Variants in PIGN observed in about 807,000 individuals in gnomAD.
The protein encoded by PIGN is GPI ethanolamine phosphate transferase 1.
A neutral mutation model predicts 125.4 loss-of-function variants in PIGN; 117 were observed. That is an observed-to-expected ratio of 0.93 (90% CI 0.80 to 1.09). PIGN has a LOEUF of 1.09. Among genes scored for constraint, PIGN ranks in the 50% least tolerant of loss-of-function variants. The pLI is 0.00. For synonymous variants in PIGN, 392 were observed against 377.8 expected (o/e 1.04, Z -0.44); for missense variants, 1,075 against 1,094.9 (o/e 0.98, Z 0.26).
At chr18:62,085,708 C>A (rs1432683210) in intron 25 of PIGN, among the ~76,000 whole-genome samples, 1 of 152,142 alleles carries the variant, frequency 6.6e-6, no homozygotes, top group Non-Finnish European at 1.5e-5. Flanking sequence ...CAGGAAGAAA[C>A]AAGATACCAT....
At chr18:62,020,264 A>G (rs1419862017) in intron 23 of PIGN, among the ~76,000 whole-genome samples, 1 of 152,242 alleles carries the variant, frequency 6.6e-6, no homozygotes, top group African/African-American at 2.4e-5. Context: ...AACACTGGGA[A>G]CTACCAAGAT....
intron 4 of PIGN, among the ~76,000 whole-genome samples, chr18:62,158,920 CT>C (rs1392414185): frequency 1.3e-5 from 2 of 152,214 alleles, no homozygotes; most frequent in African/African-American, 4.8e-5. Context: ...AGTTTAGATA[CT>C]GTATTTAAAA....
rs556670296 is a variant in PIGN at position 62,129,863 on chromosome 18, G to C, written c.1172+8380C>G. The stretch of plus-strand genomic sequence containing the variant: ...GTCCCCCAAAAAGGTCCTAACCCCT[G>C]GTATCTGGGAATGTGACCTGATTTT... On this transcript the variant is annotated intron_variant, in intron 14 of 30. Coordinates refer to ENST00000640252, the MANE Select transcript of PIGN (RefSeq NM_176787.5). 6.6e-5 allele frequency among the ~76,000 whole-genome samples: 10 copies of C among 152,250 alleles called. No individual in the cohort carries two copies. The South Asian group carries it at 1.9e-3, about 28-fold the overall frequency.
At chr18:62,115,875 G>A (rs1281363294) in intron 14 of PIGN, among the ~76,000 whole-genome samples, 3 of 152,092 alleles carry the variant, frequency 2.0e-5, no homozygotes, top group Non-Finnish European at 4.4e-5. Context: ...CACTTTGGGG[G>A]ACCGAGGTAG....
chr18:62,085,983 G>C (rs1052136345), intron 25 of PIGN, among the ~76,000 whole-genome samples: 1 of 152,190 alleles, frequency 6.6e-6, no homozygotes, highest in Non-Finnish European at 1.5e-5. Flanking sequence ...ACAATTTTCA[G>C]TGAAAAAGAG....
chr18:62,121,886 C>T (rs1289396004), intron 14 of PIGN, among the ~76,000 whole-genome samples: 1 of 139,518 alleles, frequency 7.2e-6, no homozygotes, highest in Non-Finnish European at 1.6e-5. Flanking sequence ...GATATATATA[C>T]CTAGTAGTGG....
chr18:62,045,947 G>T lies in PIGN; in HGVS notation c.2705C>A (p.Thr902Asn). The T allele has an allele frequency of 1.2e-6, 2 of 1,613,340 alleles. No homozygotes were observed. The highest frequency in any genetic ancestry group is 1.7e-6 in the Non-Finnish European group (2 of 1,179,560). ...GCCATTGAGGAACACCAAAAAGATG[G>T]TCATGGACATGACAATCACATAGTG... Reference protein sequence around the residue: ...ISHYVIVMSMTIFLVFLNGLA... With the variant: ...ISHYVIVMSMNIFLVFLNGLA... The change falls in exon 31 of 31, where the codon ACC becomes AAC. Residue 902 changes from threonine to asparagine, a missense_variant. By Grantham distance (65) the Thr-to-Asn change is moderately conservative. Coordinates refer to ENST00000640252, the MANE Select transcript of PIGN (RefSeq NM_176787.5).
intron 14 of PIGN, among the ~76,000 whole-genome samples, chr18:62,121,854 T>C (rs2035318658): frequency 6.6e-6 from 1 of 152,338 alleles, no homozygotes. Flanking sequence ...ATCTCTTCAA[T>C]ATATTGATTT....
At chr18:62,084,119 A>G (rs2033577435) in intron 27 of PIGN, among the ~76,000 whole-genome samples, 1 of 152,202 alleles carries the variant, frequency 6.6e-6, no homozygotes. Flanking sequence ...ATTACTAAAT[A>G]TAGCAGAAAA....
intron 9 of PIGN, among the ~76,000 whole-genome samples, 168 bp from the exon 10 acceptor site, chr18:62,146,193 C>G (rs1444712493): frequency 6.6e-6 from 1 of 152,100 alleles, no homozygotes; most frequent in Non-Finnish European, 1.5e-5. Context: ...TGACAATATT[C>G]CTATAAAGCA....
At chr18:62,018,836 A>C (rs1416148056) in intron 23 of PIGN, among the ~76,000 whole-genome samples, 3 of 152,100 alleles carry the variant, frequency 2.0e-5, no homozygotes, top group African/African-American at 7.2e-5. Flanking sequence ...TCACTTCCTC[A>C]TCTACAGAAG....
At chr18:62,099,988 T>A (rs2034371689) in intron 22 of PIGN, among the ~76,000 whole-genome samples, 1 of 152,104 alleles carries the variant, frequency 6.6e-6, no homozygotes, top group Non-Finnish European at 1.5e-5. Flanking sequence ...GCTAAAAAGC[T>A]TCTGCATAGC....
intron 4 of PIGN, 29 bp downstream of exon 4, chr18:62,161,104 G>A: frequency 7.1e-7 from 1 of 1,400,342 alleles, no homozygotes; most frequent in Non-Finnish European, 1.0e-6. Flanking sequence ...CATTTTAAGA[G>A]ATGTCTCTGT....
chr18:62,069,986 G>A (rs2032750404), intron 30 of PIGN: 1 of 155,180 alleles, frequency 6.4e-6, no homozygotes, highest in Non-Finnish European at 1.4e-5. Flanking sequence ...GGTAAAGAAA[G>A]GTATGCCAAA....
intron 14 of PIGN, among the ~76,000 whole-genome samples, chr18:62,129,475 C>A (rs1181055659): frequency 6.6e-6 from 1 of 152,214 alleles, no homozygotes; most frequent in Non-Finnish European, 1.5e-5. Flanking sequence ...ATCAAAAGTT[C>A]TCTTTCCAAC....
At chr18:62,150,989 A>G (rs1462587203) in intron 7 of PIGN, among the ~76,000 whole-genome samples, 1 of 152,076 alleles carries the variant, frequency 6.6e-6, no homozygotes, top group Non-Finnish European at 1.5e-5. Flanking sequence ...TGTGAGCCAC[A>G]GCGCCTGGCC....
chr18:62,123,372 T>TA (rs140440447), intron 14 of PIGN: 1 of 151,898 alleles, frequency 6.6e-6, no homozygotes, highest in Admixed American at 6.6e-5. Flanking sequence ...ATGAGGATAA[T>TA]AAAAACATAC....
chr18:62,146,992 C>T lies in PIGN; in HGVS notation c.784G>A (p.Asp262Asn), dbSNP rs2036355532. 6.2e-7 allele frequency: 1 copy of T among 1,612,174 alleles called. No homozygotes were observed. The highest frequency in any genetic ancestry group is 8.5e-7 in the Non-Finnish European group (1 of 1,178,696). The change falls in exon 9 of 31, where the codon GAC (aspartate) becomes AAC (asparagine). Residue 262 changes from aspartate (D) to asparagine (N), a missense_variant. This residue lies in a region of PIGN where 915 missense variants were observed against 908.7 expected (regional missense o/e 1.01). Coordinates refer to ENST00000640252, the MANE Select transcript of PIGN (RefSeq NM_176787.5). ...TAACCCCAGTCTGTCATTCCATGGTCAGAGGTAAAGATAAATGTTGTTTTC... is the reference window on the plus strand; with the variant it reads ...TAACCCCAGTCTGTCATTCCATGGTTAGAGGTAAAGATAAATGTTGTTTTC... ...DGKTTFIFTS[D>N]HGMTDWGSHG... is the part of the protein sequence containing the mutation.
intron 1 of PIGN, among the ~76,000 whole-genome samples, chr18:62,180,381 A>G (rs1005952793): frequency 6.6e-6 from 1 of 152,198 alleles, no homozygotes; most frequent in Non-Finnish European, 1.5e-5. Context: ...AGCCACCTCT[A>G]TAAGTGGAAT....
Sources: gnomAD v4.1 joint callset for allele counts (sites outside exome capture counted in the v4.1 genomes callset) on GRCh38, gnomAD v4.1.1 for gene constraint, gnomAD v4.1.1 regional missense constraint, MANE v1.5 for transcripts, NCBI Gene and HGNC (gene_info 2026-07-23, HGNC 2026-07-21) for gene names.